The following TBC1D19 variants were observed in gnomAD, a reference collection of about 807,000 sequenced individuals.
TBC1D19 encodes TBC1 domain family, member 19.
TBC1D19 carries 60 observed loss-of-function variants against 89.0 expected under a neutral mutation model. That is an observed-to-expected ratio of 0.67 (90% CI 0.55 to 0.84). The LOEUF (loss-of-function observed/expected upper bound fraction) is 0.84, where lower values mean the gene tolerates loss of function less well. TBC1D19 is among the 40% of genes least tolerant of loss of function. The probability of loss-of-function intolerance (pLI) is 0.00; values close to 1 mark genes in which losing one functional copy is unlikely to be tolerated. For missense variants in TBC1D19, 500 were observed against 610.8 expected (o/e 0.82, Z 1.91); for synonymous variants, 189 against 199.7 (o/e 0.95, Z 0.45).
chr4:26,684,574 A>G (rs1713646418), intron 12 of TBC1D19, among the ~76,000 whole-genome samples: 1 of 152,212 alleles, frequency 6.6e-6, no homozygotes. Flanking sequence ...ACTGTGTTAC[A>G]TAGAAGTTGA....
intron 13 of TBC1D19, among the ~76,000 whole-genome samples, chr4:26,705,124 T>TTTG (rs71186423): frequency 4.0e-5 from 6 of 151,480 alleles, no homozygotes; most frequent in South Asian, 2.1e-4. Flanking sequence ...CTTGTTTTTT[T>TTTG]TTGTTGTTGT....
At chr4:26,777,129 TC>T in the TBC1D19 span, among the ~76,000 whole-genome samples, 1 of 133,650 alleles carries the variant, frequency 7.5e-6, no homozygotes, top group African/African-American at 2.6e-5. Flanking sequence ...GGCATCTCTC[TC>T]TCTTCTTTTT....
the TBC1D19 span, among the ~76,000 whole-genome samples, chr4:26,841,024 G>T: frequency 1.3e-5 from 2 of 152,116 alleles, no homozygotes; most frequent in East Asian, 3.9e-4. Context: ...GAAGGGTTGG[G>T]GTCCTTGCAC....
chr4:26,673,567 G>T (rs548447497), intron 10 of TBC1D19, among the ~76,000 whole-genome samples: 6 of 151,598 alleles, frequency 4.0e-5, no homozygotes, highest in African/African-American at 7.3e-5. Context: ...TGGGTAGGAG[G>T]TGGAAGAGCT....
At chr4:26,697,867 T>C (rs1198529076) in intron 13 of TBC1D19, among the ~76,000 whole-genome samples, 1 of 152,178 alleles carries the variant, frequency 6.6e-6, no homozygotes, top group Non-Finnish European at 1.5e-5. Context: ...TATCTCAAAA[T>C]AATAAGCGCT....
chr4:26,642,816 G>C (rs1205886426), intron 7 of TBC1D19, among the ~76,000 whole-genome samples: 2 of 117,762 alleles, frequency 1.7e-5, no homozygotes, highest in African/African-American at 5.1e-5. Context: ...AACAAACAAA[G>C]ATCAAAAGAG....
chr4:26,599,364 C>T (rs561644077), intron 1 of TBC1D19, among the ~76,000 whole-genome samples: 14 of 152,270 alleles, frequency 9.2e-5, no homozygotes, highest in African/African-American at 3.4e-4. Context: ...ATCTTCTGTA[C>T]TGCCTTCGTT....
chr4:26,781,199 G>C, the TBC1D19 span, among the ~76,000 whole-genome samples: 2 of 152,166 alleles, frequency 1.3e-5, no homozygotes, highest in African/African-American at 4.8e-5. Flanking sequence ...AGCTCTCTAG[G>C]TGATTCTGGT....
intron 12 of TBC1D19, 68 bp downstream of exon 12, chr4:26,683,817 C>A: frequency 1.6e-6 from 2 of 1,275,952 alleles, no homozygotes; most frequent in Non-Finnish European, 2.2e-6. Context: ...CTTCAGTATG[C>A]AGAGCCTGTG....
At chr4:26,828,627 C>T in the TBC1D19 span, among the ~76,000 whole-genome samples, 1 of 152,178 alleles carries the variant, frequency 6.6e-6, no homozygotes, top group Non-Finnish European at 1.5e-5. Context: ...CGGGAGCACC[C>T]CCATCTTCAA....
the TBC1D19 span, among the ~76,000 whole-genome samples, chr4:26,821,396 T>C: frequency 6.6e-6 from 1 of 152,246 alleles, no homozygotes; most frequent in South Asian, 2.1e-4. Flanking sequence ...TTTTCAAATG[T>C]AATGAAATTT....
At chr4:26,773,649 T>C in the TBC1D19 span, among the ~76,000 whole-genome samples, 45 of 152,316 alleles carry the variant, frequency 3.0e-4, no homozygotes, top group South Asian at 9.3e-3. Flanking sequence ...TATATAGGTA[T>C]AAGGAAGGAG....
intron 4 of TBC1D19, among the ~76,000 whole-genome samples, chr4:26,627,108 C>T (rs1272985932): frequency 4.0e-5 from 6 of 151,494 alleles, no homozygotes; most frequent in Non-Finnish European, 8.8e-5. Flanking sequence ...TCTCATTGTT[C>T]AATTCCCACC....
At chr4:26,659,468 A>T in intron 7 of TBC1D19, 129 bp from the exon 8 acceptor site, 1 of 509,044 alleles carries the variant, frequency 2.0e-6, no homozygotes, top group Non-Finnish European at 3.5e-6. Flanking sequence ...TTAGAATGTA[A>T]TTAAAGTATG....
chr4:26,587,726 T>C (rs1359087284), intron 1 of TBC1D19, among the ~76,000 whole-genome samples: 1 of 151,820 alleles, frequency 6.6e-6, no homozygotes, highest in Non-Finnish European at 1.5e-5. Flanking sequence ...TTAATATTAT[T>C]TGCTCCTTAA....
At chr4:26,705,869 G>T (rs1388040951) in intron 13 of TBC1D19, among the ~76,000 whole-genome samples, 1 of 151,988 alleles carries the variant, frequency 6.6e-6, no homozygotes, top group Non-Finnish European at 1.5e-5. Flanking sequence ...TTTTAATTGT[G>T]TGGGAAAGTT....
chr4:26,803,671 C>G, the TBC1D19 span, among the ~76,000 whole-genome samples: 3 of 152,054 alleles, frequency 2.0e-5, no homozygotes, highest in Non-Finnish European at 2.9e-5. Flanking sequence ...CCATTTGTGG[C>G]AAACGGTGCA....
the TBC1D19 span, among the ~76,000 whole-genome samples, chr4:26,816,299 C>G: frequency 6.6e-6 from 1 of 152,146 alleles, no homozygotes; most frequent in African/African-American, 2.4e-5. Flanking sequence ...TGTGATTTGC[C>G]TGTCTCCTCC....
the TBC1D19 span, among the ~76,000 whole-genome samples, chr4:26,790,845 T>C: frequency 6.6e-6 from 1 of 151,938 alleles, no homozygotes; most frequent in Middle Eastern, 3.4e-3. Context: ...CCAAATGGAG[T>C]TTTATGCAAA....
Sources: gnomAD v4.1 joint callset for allele counts (sites outside exome capture counted in the v4.1 genomes callset) on GRCh38, gnomAD v4.1.1 for gene constraint, MANE v1.5 for transcripts, NCBI Gene and HGNC (gene_info 2026-07-23, HGNC 2026-07-21) for gene names.